CAPN14: variants seen among roughly 807,000 people sequenced by gnomAD.
The protein encoded by CAPN14 is calpain-14.
CAPN14 carries 94 observed loss-of-function variants against 101.3 expected under a neutral mutation model. That is an observed-to-expected ratio of 0.93 (90% CI 0.79 to 1.10). CAPN14 has a LOEUF of 1.10. CAPN14 is among the 50% of genes least tolerant of loss of function. The pLI is 0.00. For synonymous variants in CAPN14, 338 were observed against 317.9 expected (o/e 1.06, Z -0.67); for missense variants, 837 against 828.4 (o/e 1.01, Z -0.13).
At chr2:31,199,819 G>T (rs1681659329) in intron 6 of CAPN14, among the ~76,000 whole-genome samples, 1 of 152,184 alleles carries the variant, frequency 6.6e-6, no homozygotes, top group African/African-American at 2.4e-5. Context: ...GGCCATTAGT[G>T]AAGGCAGGGC....
chr2:31,197,186 A>C, intron 8 of CAPN14, 63 bp downstream of exon 8: 1 of 1,127,770 alleles, frequency 8.9e-7, no homozygotes, highest in Middle Eastern at 2.0e-4. Context: ...TCTGTGTGCA[A>C]ATGGCAGCCT....
rs17011001 is a variant in CAPN14, at chr2:31,200,577, G to A, written c.600C>T (p.Ala200=). 0.17 allele frequency: 260,858 copies of A among 1,551,164 alleles called. 23,780 individuals are homozygous for A. Among genetic ancestry groups the A allele is most frequent in the East Asian group, 0.33 (13,337 of 40,896 alleles). Residue 200 remains alanine (A), a synonymous_variant, in exon 6 of 22, where the codon GCC becomes GCT. Transcript: ENST00000403897. ...TCACCCCTCCAGTGAAGTCTACAAG[G>A]GCTTCAGACACCTGTCCTGACTGCA... ...EDLQSGQVSE[A]LVDFTGGVTM...
rs912300193 is a variant in CAPN14 at position 31,202,182 on chromosome 2, G to A, written c.366C>T (p.Pro122=). The change falls in exon 4 of 22, where the codon CCC becomes CCT. Residue 122 remains proline (P), a synonymous_variant. Coordinates refer to ENST00000403897, the MANE Select transcript of CAPN14 (RefSeq NM_001145122.2). ...LHQDILSRVV[P]LNQSFTEKYA... ...ACTTCTCAGTGAAACTCTGATTCAG[G>A]GGAACAACCCGGCTCAGGATGTCCT... 1 of 1,551,826 alleles carries A rather than the reference G, an allele frequency of 6.4e-7. No individual in the cohort carries two copies. The highest frequency in any genetic ancestry group is 8.7e-7 in the Non-Finnish European group (1 of 1,147,036).
At chr2:31,194,851 G>C (rs891303407) in intron 8 of CAPN14, among the ~76,000 whole-genome samples, 1 of 152,162 alleles carries the variant, frequency 6.6e-6, no homozygotes, top group African/African-American at 2.4e-5. Context: ...TCTACTTCTG[G>C]CCATGAAGGA....
intron 5 of CAPN14, among the ~76,000 whole-genome samples, chr2:31,201,332 A>G (rs547421477): frequency 6.6e-6 from 1 of 152,144 alleles, no homozygotes; most frequent in South Asian, 2.1e-4. Flanking sequence ...AAACTTTCAT[A>G]TTGCAGTTGT....
At chr2:31,202,912 A>AT (rs1167459609) in intron 3 of CAPN14, among the ~76,000 whole-genome samples, 158 bp downstream of exon 3, 1 of 152,194 alleles carries the variant, frequency 6.6e-6, no homozygotes, top group Non-Finnish European at 1.5e-5. Context: ...ACGGCAAAGA[A>AT]CAGAACATGT....
intron 16 of CAPN14, among the ~76,000 whole-genome samples, chr2:31,182,231 C>T (rs1305539152): frequency 6.6e-6 from 1 of 150,974 alleles, no homozygotes; most frequent in African/African-American, 2.5e-5. Context: ...CAATATCATA[C>T]TGAATGGGCA....
chr2:31,178,606 T>G (rs918167631), intron 17 of CAPN14, 27 bp from the exon 18 acceptor site: 12 of 1,456,346 alleles, frequency 8.2e-6, no homozygotes, highest in Admixed American at 4.9e-5. Flanking sequence ...GGTAAAAGCT[T>G]CCAGGGAGAG....
intron 21 of CAPN14, 58 bp from the exon 22 acceptor site, chr2:31,174,765 T>C: frequency 6.6e-7 from 1 of 1,519,882 alleles, no homozygotes; most frequent in Non-Finnish European, 8.9e-7. Context: ...CATCTGGGCC[T>C]CCCCATCCCA....
chr2:31,221,134 A>T (rs1682851183), upstream of CAPN14, among the ~76,000 whole-genome samples: 1 of 152,264 alleles, frequency 6.6e-6, no homozygotes, highest in Middle Eastern at 3.2e-3. Flanking sequence ...ACAGAAAAAT[A>T]TTCGTTAAGA....
chr2:31,198,716 A>G (rs10188925), intron 7 of CAPN14, among the ~76,000 whole-genome samples: 105,120 of 152,024 alleles, frequency 0.69, 36,663 homozygotes, highest in East Asian at 0.96. Flanking sequence ...GTACTTGGGA[A>G]GAGTTGGGCC....
intron 14 of CAPN14, 117 bp from the exon 15 acceptor site, chr2:31,187,931 T>C: frequency 2.4e-6 from 2 of 822,838 alleles, no homozygotes; most frequent in Non-Finnish European, 3.9e-6. Context: ...TGACTTTGCA[T>C]CGTCTTTAAT....
rs73921589 is a variant in CAPN14 at position 31,204,834 on chromosome 2, A to T, written c.225+389T>A. ...TCCTGTGAGCCTCTCTAGCAAATTA[A>T]TCAAACCCAAGGAGGGGATCATGGG... On this transcript the variant is annotated intron_variant, in intron 2 of 21. Coordinates refer to ENST00000403897, the MANE Select transcript of CAPN14 (RefSeq NM_001145122.2). 3.3e-3 allele frequency among the ~76,000 whole-genome samples: 507 copies of T among 152,286 alleles called. 2 individuals carry two copies. Among genetic ancestry groups the T allele is most frequent in the African/African-American group, 0.012 (479 of 41,566 alleles).
chr2:31,193,339 C>G, intron 9 of CAPN14, 45 bp from the exon 10 acceptor site: 1 of 1,540,818 alleles, frequency 6.5e-7, no homozygotes, highest in Non-Finnish European at 8.8e-7. Flanking sequence ...GACCAGATAA[C>G]GCCTAGTTAT....
intron 7 of CAPN14, among the ~76,000 whole-genome samples, 165 bp downstream of exon 7, chr2:31,199,305 G>T (rs372011705): frequency 1.2e-4 from 19 of 152,236 alleles, no homozygotes; most frequent in African/African-American, 4.6e-4. Flanking sequence ...GCAAAGCCTG[G>T]ACCCACCACT....
Position 31,202,017 on chromosome 2 carries a change from C to A in CAPN14, c.415-19G>T, listed in dbSNP as rs1296963810. 6.4e-7 allele frequency: 1 copy of A among 1,551,118 alleles called. No individual in the cohort carries two copies. The highest frequency in any genetic ancestry group is 8.7e-7 in the Non-Finnish European group (1 of 1,146,684). On this transcript the variant is annotated intron_variant, in intron 4 of 21. Coordinates refer to ENST00000403897, the MANE Select transcript of CAPN14 (RefSeq NM_001145122.2). ...GCCAGAACTGGAGGGAGAGAGTGGC[C>A]CCGGGTGAATGAGGACTGCTGCAGA...
At chr2:31,193,878 A>C (rs1408367579) in intron 9 of CAPN14, among the ~76,000 whole-genome samples, 1 of 152,152 alleles carries the variant, frequency 6.6e-6, no homozygotes, top group Non-Finnish European at 1.5e-5. Flanking sequence ...ACGAGGGTTG[A>C]CATTCACAGT....
chr2:31,205,541 T>C, intron 1 of CAPN14, 42 bp from the exon 2 acceptor site: 1 of 1,034,004 alleles, frequency 9.7e-7, no homozygotes, highest in South Asian at 1.4e-5. Flanking sequence ...ACTTCCTCCT[T>C]GTGCTTTGCC....
At chr2:31,179,312 C>A (rs1016555265) in intron 17 of CAPN14, among the ~76,000 whole-genome samples, 1 of 151,986 alleles carries the variant, frequency 6.6e-6, no homozygotes, top group African/African-American at 2.4e-5. Context: ...TAAGTGAGAA[C>A]ATGCAGTGTT....
Sources: allele counts gnomAD v4.1 joint callset (sites outside exome capture counted in the v4.1 genomes callset), GRCh38; gene constraint gnomAD v4.1.1; transcripts MANE v1.5; gene names NCBI Gene and HGNC (gene_info 2026-07-23, HGNC 2026-07-21).